Variants in CACNA1H observed in about 807,000 individuals in gnomAD.
CACNA1H encodes the protein calcium voltage-gated channel subunit alpha1 H.
A neutral mutation model predicts 192.5 loss-of-function variants in CACNA1H; 149 were observed. That is an observed-to-expected ratio of 0.77 (90% confidence interval 0.68 to 0.89). CACNA1H has a LOEUF of 0.89. Ranked by LOEUF, CACNA1H falls within the 40% of genes least tolerant of loss-of-function variation. CACNA1H has a pLI of 0.00. For synonymous variants in CACNA1H, 2,202 were observed against 1,475.2 expected (o/e 1.49, Z -11.29); for missense variants, 4,257 against 3,423.5 (o/e 1.24, Z -6.08).
chr16:1,210,655 C>T lies in CACNA1H; in HGVS notation c.4038+4C>T, dbSNP rs1207045890. 1.1e-5 allele frequency: 18 copies of T among 1,601,728 alleles called. No individual in the cohort carries two copies. The highest frequency in any genetic ancestry group is 8.9e-5 in the East Asian group (4 of 44,828). The stretch of plus-strand genomic sequence containing the variant: ...CGTGGCGGAGATGATGGTGAAGGTA[C>T]CGCGGGGCCCGGGGACTGCCCTTGT... On this transcript the variant is annotated splice_donor_region_variant and intron_variant, in intron 20 of 34. Transcript: ENST00000348261.
chr16:1,168,091 T>A (rs1963978989), intron 2 of CACNA1H, among the ~76,000 whole-genome samples: 1 of 152,102 alleles, frequency 6.6e-6, no homozygotes, highest in South Asian at 2.1e-4. Flanking sequence ...GGGGTGCCTG[T>A]ACCCCGAGAG....
intron 2 of CACNA1H, among the ~76,000 whole-genome samples, chr16:1,156,753 C>T (rs1056424813): frequency 4.0e-5 from 6 of 151,878 alleles, no homozygotes; most frequent in Admixed American, 1.3e-4. Context: ...TGCTGTCCGC[C>T]GGGCCCAGCC....
rs367584657 is a variant in CACNA1H, at chr16:1,200,410, G to A, written c.958G>A (p.Glu320Lys). The change falls in exon 7 of 35, where the codon GAG (glutamate) becomes AAG (lysine). Residue 320 changes from glutamate (E) to lysine (K), a missense_variant. Coordinates refer to ENST00000348261, the MANE Select transcript of CACNA1H (RefSeq NM_021098.3). ...GCGCATGCCCTGCACCCTGGGCTGG[G>A]AGGCCTACACGCAGCCGCAGGCCGA... ...ELRMPCTLGW[E>K]AYTQPQAEGV... The A allele has an allele frequency of 3.3e-5, 53 of 1,608,628 alleles. No homozygotes were observed. Among genetic ancestry groups the A allele is most frequent in the South Asian group, 3.3e-5 (3 of 90,888 alleles).
intron 2 of CACNA1H, among the ~76,000 whole-genome samples, chr16:1,192,553 G>A (rs1053235851): frequency 1.3e-5 from 2 of 152,254 alleles, no homozygotes; most frequent in South Asian, 4.1e-4. Context: ...GTGCCAGGAA[G>A]GCCATGCCGT....
rs372479526 is a variant in CACNA1H at position 1,207,062 on chromosome 16, G to A, written c.2851G>A (p.Val951Met). The stretch of plus-strand genomic sequence containing the variant: ...CCTGAAGACAGACACCGGAGACACC[G>A]TGCCTGACAGGAAGAACTTCGACTC... ...FSLKTDTGDT[V>M]PDRKNFDSLL... Residue 951 changes from valine (V) to methionine (M), a missense_variant, in exon 13 of 35, where the codon GTG becomes ATG. Physicochemically the swap from Val to Met is conservative, Grantham distance 21 (BLOSUM62 1). Transcript: ENST00000348261. 27 of 1,603,112 alleles carry A rather than the reference G, an allele frequency of 1.7e-5. No homozygotes were observed. Among genetic ancestry groups the A allele is most frequent in the African/African-American group, 9.4e-5 (7 of 74,732 alleles).
At chr16:1,173,068 G>A (rs1277650925) in intron 2 of CACNA1H, among the ~76,000 whole-genome samples, 1 of 152,142 alleles carries the variant, frequency 6.6e-6, no homozygotes, top group Non-Finnish European at 1.5e-5. Context: ...GTGGCCATGG[G>A]CCTGGGGAGC....
At chr16:1,214,314 G>A (rs1457717475) in intron 27 of CACNA1H, among the ~76,000 whole-genome samples, 1 of 152,206 alleles carries the variant, frequency 6.6e-6, no homozygotes, top group Non-Finnish European at 1.5e-5. Flanking sequence ...GAAGGACTTC[G>A]TCCTCCCAGC....
At chr16:1,188,929 C>T (rs1471525290) in intron 2 of CACNA1H, among the ~76,000 whole-genome samples, 1 of 152,258 alleles carries the variant, frequency 6.6e-6, no homozygotes, top group Non-Finnish European at 1.5e-5. Flanking sequence ...TCCACACCTC[C>T]TGGCCCGCCA....
chr16:1,159,528 G>C (rs1187333198), intron 2 of CACNA1H: 1 of 152,380 alleles, frequency 6.6e-6, no homozygotes, highest in Non-Finnish European at 1.5e-5. Context: ...GCCCTCGGGA[G>C]CTTGAGGGCT....
intron 2 of CACNA1H, among the ~76,000 whole-genome samples, chr16:1,162,639 T>TG (rs36082375): frequency 0.23 from 21,620 of 92,646 alleles, 2,307 homozygotes; most frequent in Admixed American, 0.39. Context: ...ACACCTGGAG[T>TG]GGGGGGGGGG....
In CACNA1H at chr16:1,167,930, G is replaced by A. The variant is rs538782954; in HGVS notation, c.299+13894G>A. On this transcript the variant is annotated intron_variant, in intron 2 of 34. Coordinates refer to ENST00000348261, the MANE Select transcript of CACNA1H (RefSeq NM_021098.3). This position sits in a 1 kb window ranked among gnomAD's most constrained non-coding sequence, Gnocchi z 4.2. ...CCCACCAGTGCGTGGAGCACGTGGG[G>A]CCTCAGGAGCCAGGCCTGTTCCCCG... is the stretch of plus-strand genomic sequence containing the variant. Among the ~76,000 whole-genome samples the A allele has an allele frequency of 1.3e-5, 2 of 152,216 alleles. No homozygotes were observed. The highest frequency in any genetic ancestry group is 2.9e-5 in the Non-Finnish European group (2 of 68,030).
rs540062193 is a variant in CACNA1H, at chr16:1,207,210, G to T, written c.2908-65G>T. 5.8e-6 allele frequency: 9 copies of T among 1,556,290 alleles called. No individual in the cohort carries two copies. The East Asian group carries it at 1.7e-4, about 29-fold the overall frequency. On this transcript the variant is annotated intron_variant, in intron 13 of 34. Coordinates refer to ENST00000348261, the MANE Select transcript of CACNA1H (RefSeq NM_021098.3). ...GTCCTGCGCATCCATAGCTGCCTCTGCCCCAAGGACTTGCCGGCATTTCGG... is the reference window on the plus strand; with the variant it reads ...GTCCTGCGCATCCATAGCTGCCTCTTCCCCAAGGACTTGCCGGCATTTCGG...
intron 2 of CACNA1H, among the ~76,000 whole-genome samples, chr16:1,186,178 C>T (rs564543732): frequency 1.8e-4 from 28 of 151,628 alleles, no homozygotes; most frequent in Non-Finnish European, 3.4e-4. Flanking sequence ...GGGCCGGAGG[C>T]GGGGTGTGTG....
chr16:1,169,614 G>A (rs1038604341), intron 2 of CACNA1H, among the ~76,000 whole-genome samples: 29 of 152,288 alleles, frequency 1.9e-4, no homozygotes, highest in African/African-American at 6.5e-4. Flanking sequence ...CCCATCAGCC[G>A]GCTCCCGGGC....
chr16:1,207,807 C>T lies in CACNA1H; in HGVS notation c.3101C>T (p.Thr1034Met), dbSNP rs371500703. 68 of 1,603,288 alleles carry T rather than the reference C, an allele frequency of 4.2e-5. No individual in the cohort carries two copies. The highest frequency in any genetic ancestry group is 5.0e-5 in the Non-Finnish European group (59 of 1,175,194). Residue 1034 changes from threonine to methionine, a missense_variant, in exon 15 of 35, where the codon ACG becomes ATG. Physicochemically the swap from Thr to Met is moderately conservative, Grantham distance 81. Transcript: ENST00000348261. ...AGATCCGACACGGACGAGGACAAGA[C>T]GTCGGTCCACTTCGAGGAGGACTTC... ...ANRSDTDEDK[T>M]SVHFEEDFHK...
intron 2 of CACNA1H, among the ~76,000 whole-genome samples, chr16:1,161,009 C>G (rs1039595271): frequency 5.9e-5 from 9 of 152,168 alleles, no homozygotes; most frequent in African/African-American, 2.2e-4. Flanking sequence ...TCCGGAGGCC[C>G]CCACGCTGCC....
intron 2 of CACNA1H, among the ~76,000 whole-genome samples, chr16:1,181,393 C>A (rs574972238): frequency 6.6e-6 from 1 of 152,224 alleles, no homozygotes; most frequent in Admixed American, 6.5e-5. Flanking sequence ...GCTGAGCCAG[C>A]GCTTTGACGC....
chr16:1,213,956 G>C, intron 27 of CACNA1H, 25 bp downstream of exon 27: 6 of 1,593,250 alleles, frequency 3.8e-6, no homozygotes, highest in Non-Finnish European at 4.3e-6. Flanking sequence ...GCCGCGAGGG[G>C]CCCAGGGGCT....
chr16:1,165,862 C>T (rs1963713000), intron 2 of CACNA1H, among the ~76,000 whole-genome samples: 1 of 152,248 alleles, frequency 6.6e-6, no homozygotes, highest in African/African-American at 2.4e-5. Flanking sequence ...TCCTCTGCTC[C>T]CCTTGGGAGA....
Sources: allele counts gnomAD v4.1 joint callset (sites outside exome capture counted in the v4.1 genomes callset), GRCh38; gene constraint gnomAD v4.1.1; non-coding constraint Gnocchi (gnomAD v3.1); transcripts MANE v1.5; gene names NCBI Gene and HGNC (gene_info 2026-07-23, HGNC 2026-07-21).